The following MMP16 variants were observed in gnomAD, a reference collection of about 807,000 sequenced individuals.
MMP16 encodes the protein matrix metallopeptidase 16.
In MMP16, 12 loss-of-function variants were observed where a neutral mutation model predicts 67.8. The observed-to-expected ratio is 0.18, with a 90% CI of 0.11 to 0.29. MMP16 has a LOEUF of 0.29. MMP16 is among the 10% of genes least tolerant of loss of function. MMP16 has a pLI of 1.00. For synonymous variants in MMP16, 249 were observed against 255.9 expected (o/e 0.97, Z 0.26); for missense variants, 475 against 765.7 (o/e 0.62, Z 4.48).
At chr8:88,316,120 G>A (rs1366234862) in intron 1 of MMP16, among the ~76,000 whole-genome samples, 1 of 152,198 alleles carries the variant, frequency 6.6e-6, no homozygotes, top group Non-Finnish European at 1.5e-5. Context: ...GCTAGAAGTG[G>A]TTGGTTCATG....
At chr8:88,090,440 C>T (rs1461609179) in intron 6 of MMP16, among the ~76,000 whole-genome samples, 1 of 151,818 alleles carries the variant, frequency 6.6e-6, no homozygotes, top group African/African-American at 2.4e-5. Flanking sequence ...TGTACTGAAA[C>T]ATTTTTAATG....
At chr8:88,271,815 A>G (rs1311970291) in intron 1 of MMP16, among the ~76,000 whole-genome samples, 1 of 152,240 alleles carries the variant, frequency 6.6e-6, no homozygotes, top group Non-Finnish European at 1.5e-5. Context: ...ATGGGCAGCC[A>G]CAAAACAAAC....
chr8:88,275,219 A>C (rs1224409002), intron 1 of MMP16, among the ~76,000 whole-genome samples: 4 of 152,148 alleles, frequency 2.6e-5, no homozygotes, highest in Middle Eastern at 3.4e-3. Flanking sequence ...AGTAAAGATT[A>C]AAAAGACTAA....
At chr8:88,145,698 A>G (rs2118512397) in intron 4 of MMP16, among the ~76,000 whole-genome samples, 1 of 152,082 alleles carries the variant, frequency 6.6e-6, no homozygotes, top group South Asian at 2.1e-4. Context: ...CACGTCACTA[A>G]CTAACTTCAA....
Position 88,041,886 on chromosome 8 carries a change from G to T in MMP16, c.1490-91C>A. On this transcript the variant is annotated intron_variant, in intron 9 of 9. Coordinates refer to ENST00000286614, the MANE Select transcript of MMP16 (RefSeq NM_005941.5). This position sits in a 1 kb window ranked among gnomAD's most constrained non-coding sequence, Gnocchi z 6.0. ...GTTACTAAAATAGGCTATGTCTTAA[G>T]AGATGTATTTTAAGGCCCTTTAATT... 1.0e-6 allele frequency: 1 copy of T among 979,924 alleles called. No homozygotes were observed. The highest frequency in any genetic ancestry group is 1.5e-6 in the Non-Finnish European group (1 of 666,356). 60.7% of individuals were successfully genotyped at this position (979,924 alleles called of 1,614,324 possible).
intron 1 of MMP16, among the ~76,000 whole-genome samples, chr8:88,254,991 C>A (rs1441006681): frequency 6.6e-6 from 1 of 152,238 alleles, no homozygotes; most frequent in Admixed American, 6.5e-5. Flanking sequence ...TAATCTAAAT[C>A]TATTGTGAAT....
At chr8:88,157,273 C>G (rs1032890892) in intron 4 of MMP16, among the ~76,000 whole-genome samples, 1 of 152,064 alleles carries the variant, frequency 6.6e-6, no homozygotes, top group Non-Finnish European at 1.5e-5. Flanking sequence ...AGTATAACCA[C>G]TATTTACATA....
chr8:88,285,443 A>T (rs1402496271), intron 1 of MMP16, among the ~76,000 whole-genome samples: 42 of 152,268 alleles, frequency 2.8e-4, no homozygotes. Context: ...CCCAGCTGAC[A>T]GAAACTGTTT....
At chr8:88,112,928 T>TA (rs34290887) in intron 6 of MMP16, among the ~76,000 whole-genome samples, 1 of 151,734 alleles carries the variant, frequency 6.6e-6, no homozygotes, top group Non-Finnish European at 1.5e-5. Context: ...ATTTTTGGCT[T>TA]AAAAATCACA....
At chr8:88,289,389 A>G (rs1810885233) in intron 1 of MMP16, among the ~76,000 whole-genome samples, 1 of 152,210 alleles carries the variant, frequency 6.6e-6, no homozygotes, top group Non-Finnish European at 1.5e-5. Flanking sequence ...TAAAATATCA[A>G]ATGATTATAA....
chr8:88,285,332 GT>G (rs1261747403), intron 1 of MMP16, among the ~76,000 whole-genome samples: 3 of 152,060 alleles, frequency 2.0e-5, no homozygotes, highest in African/African-American at 7.2e-5. Context: ...TAGCGATGGG[GT>G]TTCACCAGGT....
intron 6 of MMP16, among the ~76,000 whole-genome samples, chr8:88,108,494 T>A (rs534826013): frequency 7.6e-4 from 115 of 151,466 alleles, no homozygotes; most frequent in African/African-American, 2.6e-3. Flanking sequence ...ACTATATGTT[T>A]CAATTTTAAC....
intron 7 of MMP16, among the ~76,000 whole-genome samples, chr8:88,066,281 T>C (rs1218689830): frequency 6.6e-6 from 1 of 152,102 alleles, no homozygotes; most frequent in Non-Finnish European, 1.5e-5. Flanking sequence ...TAATTGAGAA[T>C]GTACACCTGG....
chr8:88,222,432 C>G (rs1809698197), intron 1 of MMP16, among the ~76,000 whole-genome samples: 1 of 152,114 alleles, frequency 6.6e-6, no homozygotes, highest in Non-Finnish European at 1.5e-5. Flanking sequence ...ATCACGCTAC[C>G]TGACTTCAAA....
At chr8:88,176,852 G>T (rs1351736134) in intron 3 of MMP16, among the ~76,000 whole-genome samples, 1 of 152,064 alleles carries the variant, frequency 6.6e-6, no homozygotes. Flanking sequence ...TATCTTGTGG[G>T]TGGGAACATT....
Position 88,033,172 on chromosome 8 carries a change from T to G in MMP16, c.*8289A>C, listed in dbSNP as rs982315304. On this transcript the variant is annotated 3_prime_UTR_variant, in exon 10 of 10. Coordinates refer to ENST00000286614, the MANE Select transcript of MMP16 (RefSeq NM_005941.5). The stretch of plus-strand genomic sequence containing the variant: ...TGTTTACCCAAGAGACAACTTCCCT[T>G]TGCAATTACTTGAATCTCATTCTGA... The G allele has an allele frequency of 6.6e-6, 1 of 151,914 alleles. No homozygotes were observed. Among genetic ancestry groups the G allele is most frequent in the Non-Finnish European group, 1.5e-5 (1 of 67,910 alleles). The allele number at this position is 151,914 out of a possible 1,614,324, so 9.4% of individuals were successfully genotyped here.
chr8:88,322,420 G>C (rs1049256864), intron 1 of MMP16, among the ~76,000 whole-genome samples: 2 of 152,136 alleles, frequency 1.3e-5, no homozygotes, highest in African/African-American at 2.4e-5. Flanking sequence ...AAATGGAAAG[G>C]TGTTTAAATA....
chr8:88,310,785 A>G (rs1053993918), intron 1 of MMP16, among the ~76,000 whole-genome samples: 3 of 152,168 alleles, frequency 2.0e-5, no homozygotes, highest in Non-Finnish European at 4.4e-5. Context: ...AGGCAAGAAG[A>G]GAGAAAAAAA....
chr8:88,045,035 G>A (rs562102907), intron 9 of MMP16, among the ~76,000 whole-genome samples: 1 of 152,140 alleles, frequency 6.6e-6, no homozygotes, highest in South Asian at 2.1e-4. Context: ...ACTGTCCTAT[G>A]GATTTCTGCT....
Sources: gnomAD v4.1 joint callset for allele counts (sites outside exome capture counted in the v4.1 genomes callset) on GRCh38, gnomAD v4.1.1 for gene constraint, Gnocchi (gnomAD v3.1) non-coding constraint, MANE v1.5 for transcripts, NCBI Gene and HGNC (gene_info 2026-07-23, HGNC 2026-07-21) for gene names.